PLEKHM3: variants seen among roughly 807,000 people sequenced by gnomAD.
The protein encoded by PLEKHM3 is pleckstrin homology domain-containing family M member 3.
A neutral mutation model predicts 81.8 loss-of-function variants in PLEKHM3; 45 were observed. The observed-to-expected ratio is 0.55, with a 90% CI of 0.43 to 0.71. PLEKHM3 has a LOEUF of 0.71. Among genes scored for constraint, PLEKHM3 ranks in the 30% least tolerant of loss-of-function variants. PLEKHM3 has a pLI of 0.00. For synonymous variants in PLEKHM3, 352 were observed against 356.4 expected, an observed-to-expected ratio of 0.99 and a Z score of 0.14; for missense variants, 788 against 924.3, an observed-to-expected ratio of 0.85 and a Z score of 1.91.
chr2:208,006,673 T>C (rs1692503692), intron 1 of PLEKHM3, among the ~76,000 whole-genome samples: 1 of 152,224 alleles, frequency 6.6e-6, no homozygotes, highest in Non-Finnish European at 1.5e-5. Context: ...TCCTCATCTC[T>C]TCCTGGAAAG....
At chr2:207,900,217 T>G (rs1382941186) in intron 6 of PLEKHM3, 1 of 152,204 alleles carries the variant, frequency 6.6e-6, no homozygotes, top group Non-Finnish European at 1.5e-5. Context: ...CTGTCTTCAC[T>G]CATCTCTCTG....
chr2:207,945,588 G>A (rs1196941326), intron 4 of PLEKHM3, among the ~76,000 whole-genome samples: 1 of 152,146 alleles, frequency 6.6e-6, no homozygotes, highest in Non-Finnish European at 1.5e-5. Context: ...CTTCACATGA[G>A]TAGGAGCGCT....
intron 7 of PLEKHM3, among the ~76,000 whole-genome samples, chr2:207,844,494 G>A (rs1212729157): frequency 6.7e-6 from 1 of 149,650 alleles, no homozygotes; most frequent in Admixed American, 6.7e-5. Flanking sequence ...TTTTAGTGGA[G>A]ACGGGGTTTC....
At chr2:207,910,288 G>A (rs972284500) in intron 5 of PLEKHM3, among the ~76,000 whole-genome samples, 2 of 152,148 alleles carry the variant, frequency 1.3e-5, no homozygotes, top group Non-Finnish European at 2.9e-5. Context: ...GGCCCCTGTC[G>A]TGGAAGGTAG....
rs2092216393 is a variant in PLEKHM3, at chr2:207,821,397, CA to C, written c.*6921del. On this transcript the variant is annotated 3_prime_UTR_variant, in exon 8 of 8. Coordinates refer to ENST00000427836, the MANE Select transcript of PLEKHM3 (RefSeq NM_001080475.3). ...CCTTAAAAACTAGAGGTATTGTCAA[CA>C]ATACAACTTCAATTTTATATTATTA... 1 of 151,818 alleles carries C rather than the reference CA, an allele frequency of 6.6e-6. No individual in the cohort carries two copies. The allele number at this position is 151,818 out of a possible 1,614,324, so 9.4% of individuals were successfully genotyped here.
chr2:207,985,686 A>T (rs975835151), intron 2 of PLEKHM3, among the ~76,000 whole-genome samples: 3 of 152,018 alleles, frequency 2.0e-5, no homozygotes, highest in African/African-American at 4.8e-5. Context: ...TTGCCTTTTT[A>T]AAAAATACCA....
At chr2:207,947,009 CAG>C (rs1196270672) in intron 3 of PLEKHM3, among the ~76,000 whole-genome samples, 5 of 152,152 alleles carry the variant, frequency 3.3e-5, no homozygotes, top group African/African-American at 1.2e-4. Context: ...CAAAAAAAGC[CAG>C]AGTTTGGATT....
At chr2:207,956,718 ATTTTTTTTTT>A (rs1170073686) in intron 3 of PLEKHM3, among the ~76,000 whole-genome samples, 5,264 of 69,246 alleles carry the variant, frequency 0.076, 476 homozygotes, top group African/African-American at 0.25. Flanking sequence ...GCTGATTAAA[ATTTTTTTTTT>A]TTTTTTTTTT....
chr2:207,905,533 A>G (rs1688574149), intron 6 of PLEKHM3, among the ~76,000 whole-genome samples: 1 of 152,238 alleles, frequency 6.6e-6, no homozygotes, highest in South Asian at 2.1e-4. Context: ...TCTAGAAAAC[A>G]TGCTTGTTAT....
At chr2:207,880,070 T>G (rs1462860370) in intron 6 of PLEKHM3, among the ~76,000 whole-genome samples, 1 of 152,210 alleles carries the variant, frequency 6.6e-6, no homozygotes, top group Non-Finnish European at 1.5e-5. Context: ...GTTAATTGTT[T>G]AACTAAAAAA....
At chr2:207,919,968 G>A (rs202001217) in intron 5 of PLEKHM3, among the ~76,000 whole-genome samples, 7 of 147,686 alleles carry the variant, frequency 4.7e-5, no homozygotes, top group South Asian at 2.1e-4. Flanking sequence ...ACACACACAC[G>A]CACACACACA....
chr2:207,890,843 A>G (rs539728934), intron 6 of PLEKHM3, among the ~76,000 whole-genome samples: 1 of 152,346 alleles, frequency 6.6e-6, no homozygotes, highest in East Asian at 1.9e-4. Flanking sequence ...TATGATTACC[A>G]AAGCAAATCA....
At chr2:208,003,917 G>C (rs924132384) in intron 1 of PLEKHM3, among the ~76,000 whole-genome samples, 6 of 152,056 alleles carry the variant, frequency 3.9e-5, no homozygotes, top group African/African-American at 1.4e-4. Flanking sequence ...TATAAAGAAG[G>C]CACCAAGGTT....
intron 2 of PLEKHM3, among the ~76,000 whole-genome samples, chr2:207,996,558 A>T (rs1692127290): frequency 6.6e-6 from 1 of 152,202 alleles, no homozygotes; most frequent in Admixed American, 6.5e-5. Flanking sequence ...CTCAGGTGAA[A>T]AGTAACTTAA....
At chr2:207,917,792 C>T (rs1689043981) in intron 5 of PLEKHM3, among the ~76,000 whole-genome samples, 1 of 152,092 alleles carries the variant, frequency 6.6e-6, no homozygotes, top group South Asian at 2.1e-4. Flanking sequence ...CTGCAGTGAG[C>T]TGTGGTCATG....
intron 1 of PLEKHM3, among the ~76,000 whole-genome samples, chr2:208,002,255 A>G (rs1692336297): frequency 6.6e-6 from 1 of 152,216 alleles, no homozygotes; most frequent in Non-Finnish European, 1.5e-5. Flanking sequence ...CAAATCTCTG[A>G]TATGCTGACC....
chr2:207,859,078 TA>T (rs1352037767), intron 7 of PLEKHM3, among the ~76,000 whole-genome samples: 2 of 152,056 alleles, frequency 1.3e-5, no homozygotes, highest in Non-Finnish European at 2.9e-5. Flanking sequence ...TTCTTTCCGT[TA>T]GCATGTTTTC....
chr2:207,912,701 T>C (rs1688847697), intron 5 of PLEKHM3, among the ~76,000 whole-genome samples: 1 of 152,208 alleles, frequency 6.6e-6, no homozygotes, highest in East Asian at 1.9e-4. Context: ...GTATCTCTTA[T>C]AGTAATGCTT....
intron 6 of PLEKHM3, among the ~76,000 whole-genome samples, chr2:207,895,172 C>T (rs888340496): frequency 5.9e-5 from 9 of 152,154 alleles, no homozygotes; most frequent in East Asian, 1.9e-4. Flanking sequence ...CATCCTGGGT[C>T]GTGAGTTTTC....
Sources: allele counts gnomAD v4.1 joint callset (sites outside exome capture counted in the v4.1 genomes callset), GRCh38; gene constraint gnomAD v4.1.1; transcripts MANE v1.5; gene names NCBI Gene and HGNC (gene_info 2026-07-23, HGNC 2026-07-21).